The following CNST variants were observed in gnomAD, a reference collection of about 807,000 sequenced individuals.
CNST encodes consortin, connexin sorting protein.
Under a neutral mutation model 72.4 loss-of-function variants are expected in CNST, and 39 were observed. The observed-to-expected ratio is 0.54, with a 90% CI of 0.42 to 0.70. The LOEUF is 0.70. Among genes scored for constraint, CNST ranks in the 30% least tolerant of loss-of-function variants. CNST has a pLI of 0.00. For missense variants in CNST, 871 were observed against 868.5 expected, an observed-to-expected ratio of 1.00 and a Z score of -0.04; for synonymous variants, 332 against 320.1, an observed-to-expected ratio of 1.04 and a Z score of -0.40.
In CNST at chr1:246,634,586, G is replaced by C; in HGVS notation, c.817G>C (p.Asp273His). The C allele has an allele frequency of 6.5e-7, 1 of 1,533,754 alleles. No individual in the cohort carries two copies. The highest frequency in any genetic ancestry group is 8.9e-7 in the Non-Finnish European group (1 of 1,120,896). Residue 273 changes from aspartate (D) to histidine (H), a missense_variant and splice_region_variant, in exon 6 of 11, where the codon GAT becomes CAT. By Grantham distance (81) the Asp-to-His change is moderately conservative. Transcript: ENST00000366513. ...RLTKICATHQ[D>H]PLLSKHKIAA... is the part of the protein sequence containing the mutation. ...TACGAAAATTTGTGCAACACATCAA[G>C]AGTAAGTATATCAGAATTTCGTTAG...
chr1:246,586,094 G>GATAT lies in CNST; in HGVS notation c.-51-5403_-51-5400dup, dbSNP rs1204155348. On this transcript the variant is annotated intron_variant, in intron 1 of 10. Coordinates refer to ENST00000366513, the MANE Select transcript of CNST (RefSeq NM_152609.3). ...GACCATGTCTTGGGGGAGAGGGGGA[G>GATAT]ATATATATATATATATATGTGTGTG... Among the ~76,000 whole-genome samples the GATAT allele has an allele frequency of 1.4e-3, 177 of 130,714 alleles. 2 individuals carry two copies. Among genetic ancestry groups the GATAT allele is most frequent in the Non-Finnish European group, 1.8e-3 (115 of 63,936 alleles). The allele number at this position is 130,714 out of a possible 152,430, so 85.8% of individuals were successfully genotyped here. A position where few individuals can be genotyped will look rare whatever the true frequency, so the allele number is the denominator to read the frequency against.
rs151121627 is a variant in CNST at position 246,651,680 on chromosome 1, C to T, written c.1836+3643C>T. ...CTAGGTTTGGAAAGCTTTTTCAAAC[C>T]CAGTAATTTGCTATGTAAAGTGATA... On this transcript the variant is annotated intron_variant, in intron 9 of 10. Coordinates refer to ENST00000366513, the MANE Select transcript of CNST (RefSeq NM_152609.3). 9.5e-3 allele frequency among the ~76,000 whole-genome samples: 1,449 copies of T among 152,072 alleles called. 12 individuals are homozygous for T. Among genetic ancestry groups the T allele is most frequent in the Middle Eastern group, 0.034 (10 of 294 alleles).
intron 2 of CNST, among the ~76,000 whole-genome samples, chr1:246,597,784 A>G (rs1161744952): frequency 1.3e-5 from 2 of 152,094 alleles, no homozygotes; most frequent in Admixed American, 6.5e-5. Flanking sequence ...GTTCTTACCT[A>G]TATGATCTTA....
intron 2 of CNST, chr1:246,607,159 A>T (rs913984285): frequency 8.6e-5 from 13 of 151,810 alleles, no homozygotes; most frequent in African/African-American, 2.2e-4. Flanking sequence ...CACTTGCGGG[A>T]TATGCACGCC....
chr1:246,610,519 T>G (rs116796981), intron 2 of CNST, among the ~76,000 whole-genome samples: 1 of 152,236 alleles, frequency 6.6e-6, no homozygotes, highest in East Asian at 1.9e-4. Context: ...TGTACTGTTT[T>G]TTTGATATGC....
At chr1:246,626,907 C>G (rs896860593) in intron 3 of CNST, among the ~76,000 whole-genome samples, 2 of 152,166 alleles carry the variant, frequency 1.3e-5, no homozygotes, top group Non-Finnish European at 2.9e-5. Flanking sequence ...TAAATGCCAA[C>G]TTCGTCCCTC....
chr1:246,622,466 C>T (rs976280973), intron 3 of CNST, among the ~76,000 whole-genome samples: 3 of 152,162 alleles, frequency 2.0e-5, no homozygotes, highest in Non-Finnish European at 2.9e-5. Context: ...TTATTAGGCG[C>T]TCAGTGGGTT....
chr1:246,641,001 T>C (rs2103118683), intron 6 of CNST, among the ~76,000 whole-genome samples: 1 of 152,300 alleles, frequency 6.6e-6, no homozygotes, highest in African/African-American at 2.4e-5. Context: ...CCCACAATAG[T>C]AACCACTATC....
chr1:246,611,732 A>G (rs1399834524), intron 2 of CNST, among the ~76,000 whole-genome samples: 2 of 152,224 alleles, frequency 1.3e-5, no homozygotes, highest in East Asian at 3.8e-4. Context: ...TTCTAGGTAT[A>G]TACCCAAAAG....
chr1:246,609,431 T>C (rs766816715), intron 2 of CNST, among the ~76,000 whole-genome samples: 3 of 152,068 alleles, frequency 2.0e-5, no homozygotes, highest in East Asian at 3.9e-4. Context: ...CAAAAAATTA[T>C]ATGGGCATGG....
At chr1:246,653,673 T>C (rs1229971418) in intron 9 of CNST, among the ~76,000 whole-genome samples, 1 of 152,252 alleles carries the variant, frequency 6.6e-6, no homozygotes, top group Non-Finnish European at 1.5e-5. Context: ...TTCTAATTAA[T>C]TAATGCTTCT....
chr1:246,638,594 T>G (rs891684722), intron 6 of CNST, among the ~76,000 whole-genome samples: 2 of 151,968 alleles, frequency 1.3e-5, no homozygotes, highest in African/African-American at 4.8e-5. Flanking sequence ...AGAGCTCGAG[T>G]GAGGGTGATG....
intron 2 of CNST, among the ~76,000 whole-genome samples, chr1:246,603,578 T>C (rs1662456013): frequency 6.6e-6 from 1 of 152,222 alleles, no homozygotes; most frequent in Admixed American, 6.5e-5. Flanking sequence ...GGAAATGTAG[T>C]CACACAAATG....
intron 3 of CNST, among the ~76,000 whole-genome samples, chr1:246,623,851 C>T (rs1278723042): frequency 2.8e-5 from 4 of 143,036 alleles, no homozygotes; most frequent in African/African-American, 7.8e-5. Flanking sequence ...TGCTTGAGCC[C>T]AGGAGTTCAA....
At chr1:246,590,452 C>A (rs1056618212) in intron 1 of CNST, among the ~76,000 whole-genome samples, 1 of 152,090 alleles carries the variant, frequency 6.6e-6, no homozygotes, top group East Asian at 1.9e-4. Context: ...TCTCCCTTTT[C>A]GCCTGTCTTA....
At chr1:246,633,397 C>T (rs1199037133) in intron 4 of CNST, among the ~76,000 whole-genome samples, 1 of 148,104 alleles carries the variant, frequency 6.8e-6, no homozygotes, top group Non-Finnish European at 1.5e-5. Context: ...TGCAATAAGC[C>T]AAGGTGGCAC....
chr1:246,580,821 A>G (rs1398584655), intron 1 of CNST, among the ~76,000 whole-genome samples: 2 of 151,886 alleles, frequency 1.3e-5, no homozygotes, highest in Middle Eastern at 3.2e-3. Flanking sequence ...GCTCACTGCA[A>G]CCTCTGCCCC....
chr1:246,605,142 G>T (rs1017237256), intron 2 of CNST, among the ~76,000 whole-genome samples: 1 of 152,224 alleles, frequency 6.6e-6, no homozygotes, highest in Admixed American at 6.5e-5. Flanking sequence ...TGCTTGGAAT[G>T]AACAGGGAAA....
chr1:246,621,374 G>A, intron 2 of CNST, 55 bp from the exon 3 acceptor site: 1 of 1,355,230 alleles, frequency 7.4e-7, no homozygotes, highest in Non-Finnish European at 1.0e-6. Context: ...GTTTTAATGT[G>A]TTACACCATC....
Sources: gnomAD v4.1 joint callset for allele counts (sites outside exome capture counted in the v4.1 genomes callset) on GRCh38, gnomAD v4.1.1 for gene constraint, MANE v1.5 for transcripts, NCBI Gene and HGNC (gene_info 2026-07-23, HGNC 2026-07-21) for gene names.